The following BAIAP2 variants were observed in gnomAD, a reference collection of about 807,000 sequenced individuals.
The protein encoded by BAIAP2 is BAR/IMD domain-containing adapter protein 2.
Under a neutral mutation model 63.0 loss-of-function variants are expected in BAIAP2, and 18 were observed. The ratio of observed to expected loss-of-function variants is 0.29; its 90% CI spans 0.20 to 0.42. BAIAP2 has a LOEUF of 0.42. Ranked by LOEUF, BAIAP2 falls within the 10% of genes least tolerant of loss-of-function variation. BAIAP2 has a pLI of 1.00. For synonymous variants in BAIAP2, 386 were observed against 307.6 expected (o/e 1.25, Z -2.67); for missense variants, 610 against 734.3 (o/e 0.83, Z 1.96).
At chr17:81,065,602 C>T (rs1810735123) in intron 3 of BAIAP2, among the ~76,000 whole-genome samples, 3 of 152,214 alleles carry the variant, frequency 2.0e-5, no homozygotes, top group Admixed American at 1.3e-4. Context: ...CTCCTGAGCA[C>T]ACCCCTCCAC....
intron 1 of BAIAP2, among the ~76,000 whole-genome samples, chr17:81,049,525 G>T (rs977099859): frequency 1.3e-5 from 2 of 152,216 alleles, no homozygotes; most frequent in Non-Finnish European, 2.9e-5. Context: ...AAAGCCCACA[G>T]ACTTTCCCGA....
At chr17:81,068,661 C>G (rs901649662) in intron 3 of BAIAP2, among the ~76,000 whole-genome samples, 1 of 152,230 alleles carries the variant, frequency 6.6e-6, no homozygotes, top group African/African-American at 2.4e-5. Flanking sequence ...CCCCGCTTCC[C>G]TGCCCTGGGG....
chr17:81,071,016 G>GC (rs1031481611), intron 3 of BAIAP2, among the ~76,000 whole-genome samples: 76 of 152,150 alleles, frequency 5.0e-4, no homozygotes, highest in Non-Finnish European at 1.0e-3. Context: ...CACCAAGGTG[G>GC]CTCTTTGGAC....
intron 6 of BAIAP2, among the ~76,000 whole-genome samples, chr17:81,098,768 C>T (rs578248450): frequency 4.3e-4 from 66 of 152,224 alleles, no homozygotes; most frequent in African/African-American, 1.4e-3. Flanking sequence ...ACGTGACAGC[C>T]GCCATGGTCA....
intron 3 of BAIAP2, among the ~76,000 whole-genome samples, chr17:81,079,507 A>T (rs904414341): frequency 4.6e-5 from 7 of 151,850 alleles, no homozygotes; most frequent in African/African-American, 1.5e-4. Context: ...CCCCCTTTCT[A>T]GCCCTCCGAT....
At chr17:81,073,776 T>C (rs59758755) in intron 3 of BAIAP2, among the ~76,000 whole-genome samples, 1,568 of 152,326 alleles carry the variant, frequency 0.01, 19 homozygotes, top group South Asian at 0.04. Flanking sequence ...ATCTTTAAAA[T>C]GTCACTGTTG....
chr17:81,089,318 TCGTTGACTGG>T (rs1295742769), intron 6 of BAIAP2, among the ~76,000 whole-genome samples: 1 of 152,164 alleles, frequency 6.6e-6, no homozygotes, highest in Non-Finnish European at 1.5e-5. Flanking sequence ...GGTGGACCCT[TCGTTGACTGG>T]CCCAAGGGTC....
intron 1 of BAIAP2, among the ~76,000 whole-genome samples, chr17:81,050,444 C>T (rs1270513333): frequency 2.0e-5 from 3 of 152,206 alleles, no homozygotes; most frequent in Non-Finnish European, 4.4e-5. Context: ...GTGCGTCATG[C>T]GGTAGGCATG....
intron 6 of BAIAP2, chr17:81,087,604 C>T (rs562574575): frequency 2.3e-4 from 35 of 152,358 alleles, no homozygotes; most frequent in Middle Eastern, 3.4e-3. Context: ...GGATCGGCCC[C>T]AAAGGAGAGG....
chr17:81,058,346 C>T (rs906671204), intron 3 of BAIAP2, among the ~76,000 whole-genome samples: 2 of 152,182 alleles, frequency 1.3e-5, no homozygotes, highest in Admixed American at 6.5e-5. Context: ...TGGTGTGGCC[C>T]TGAGGAAGAC....
chr17:81,077,233 G>A (rs916325544), intron 3 of BAIAP2, among the ~76,000 whole-genome samples: 12 of 152,130 alleles, frequency 7.9e-5, no homozygotes, highest in African/African-American at 2.4e-4. Flanking sequence ...TGATGCTGAC[G>A]ATGCCACAGT....
At chr17:81,067,530 G>T (rs1039704743) in intron 3 of BAIAP2, among the ~76,000 whole-genome samples, 1 of 152,180 alleles carries the variant, frequency 6.6e-6, no homozygotes, top group Admixed American at 6.5e-5. Flanking sequence ...GATTGGATTG[G>T]CCGTGTTGCA....
intron 1 of BAIAP2, chr17:81,036,951 G>C: frequency 6.5e-7 from 1 of 1,535,900 alleles, no homozygotes; most frequent in Non-Finnish European, 8.7e-7. Flanking sequence ...CGTGGTGAGA[G>C]TTGGCAGGGG....
At position 81,108,927 on chromosome 17, in the gene BAIAP2, C is replaced by T. The variant is rs975816350; in HGVS notation, c.1535+418C>T. 17 of 1,537,332 alleles carry T rather than the reference C, an allele frequency of 1.1e-5. No homozygotes were observed. In the Middle Eastern group the frequency reaches 6.6e-4, roughly 60 times the overall value. ...GGACTCGCCGCCTGTGGCTGGGCAG[C>T]GTCGTGCAGCCAGGCAGCCGTCCTG... On this transcript the variant is annotated intron_variant, in intron 13 of 13. Coordinates refer to ENST00000428708, the MANE Select transcript of BAIAP2 (RefSeq NM_001144888.2).
chr17:81,049,751 C>T (rs1340542699), intron 1 of BAIAP2, among the ~76,000 whole-genome samples: 1 of 152,250 alleles, frequency 6.6e-6, no homozygotes, highest in Non-Finnish European at 1.5e-5. Flanking sequence ...CCCCTGCCCC[C>T]ACCTGGGGAC....
At chr17:81,082,452 C>T (rs548377963) in intron 3 of BAIAP2, among the ~76,000 whole-genome samples, 175 of 152,298 alleles carry the variant, frequency 1.1e-3, no homozygotes, top group African/African-American at 4.2e-3. Context: ...GCAGCCCTTC[C>T]GTATCTTCCC....
chr17:81,071,112 C>G (rs58591708), intron 3 of BAIAP2, among the ~76,000 whole-genome samples: 1 of 101,650 alleles, frequency 9.8e-6, no homozygotes, highest in Non-Finnish European at 2.3e-5. Flanking sequence ...TTTTTTTTTT[C>G]CCCCATTGGT....
At chr17:81,073,233 G>A (rs1430315878) in intron 3 of BAIAP2, among the ~76,000 whole-genome samples, 1 of 152,140 alleles carries the variant, frequency 6.6e-6, no homozygotes, top group Admixed American at 6.5e-5. Context: ...CCCCACCACT[G>A]TGGTCCCAGC....
In BAIAP2 at chr17:81,112,058, G is replaced by A. The variant is rs113933364; in HGVS notation, c.1535+3549G>A. Among the ~76,000 whole-genome samples the A allele has an allele frequency of 2.7e-3, 405 of 152,338 alleles. 4 individuals carry two copies. Among genetic ancestry groups the A allele is most frequent in the Non-Finnish European group, 4.6e-3 (311 of 68,020 alleles). ...GTAGAAAAATGCTCCTGAACTTTGGGGACTGGATGGAGATGCTCTGGGTTG... is the reference window on the plus strand; with the variant it reads ...GTAGAAAAATGCTCCTGAACTTTGGAGACTGGATGGAGATGCTCTGGGTTG... On this transcript the variant is annotated intron_variant, in intron 13 of 13. Transcript: ENST00000428708.
Sources: gnomAD v4.1 joint callset for allele counts (sites outside exome capture counted in the v4.1 genomes callset) on GRCh38, gnomAD v4.1.1 for gene constraint, MANE v1.5 for transcripts, NCBI Gene and HGNC (gene_info 2026-07-23, HGNC 2026-07-21) for gene names.